The following TOGARAM1 variants were observed in gnomAD, a reference collection of about 807,000 sequenced individuals.
TOGARAM1 encodes TOG array regulator of axonemal microtubules 1.
TOGARAM1 carries 100 observed loss-of-function variants against 166.6 expected under a neutral mutation model. That is an observed-to-expected ratio of 0.60 (90% CI 0.51 to 0.71). The LOEUF is 0.71. TOGARAM1 is among the 30% of genes least tolerant of loss of function. TOGARAM1 has a pLI of 0.00. For synonymous variants in TOGARAM1, 758 were observed against 763.8 expected (o/e 0.99, Z 0.13); for missense variants, 2,029 against 2,102.7 (o/e 0.96, Z 0.69).
At chr14:45,035,950 A>G (rs1881406569) in intron 11 of TOGARAM1, among the ~76,000 whole-genome samples, 1 of 109,562 alleles carries the variant, frequency 9.1e-6, no homozygotes, top group African/African-American at 5.8e-5. Context: ...CATCTCTAGA[A>G]AAAAAAAAAA....
At chr14:45,068,932 GAAATA>G (rs1314966125) in intron 18 of TOGARAM1, among the ~76,000 whole-genome samples, 1 of 149,922 alleles carries the variant, frequency 6.7e-6, no homozygotes, top group Non-Finnish European at 1.5e-5. Context: ...AGATGATCCA[GAAATA>G]AAATAAAGAA....
At chr14:45,040,799 G>A (rs945070631) in intron 11 of TOGARAM1, among the ~76,000 whole-genome samples, 1 of 152,202 alleles carries the variant, frequency 6.6e-6, no homozygotes, top group Non-Finnish European at 1.5e-5. Context: ...AGCACTTTGG[G>A]AGGCCAAGGC....
intron 1 of TOGARAM1, chr14:44,978,326 T>C (rs1057341285): frequency 6.6e-6 from 1 of 152,232 alleles, no homozygotes; most frequent in Non-Finnish European, 1.5e-5. Context: ...AAAAAATGTT[T>C]AGCTGATATT....
chr14:44,999,651 C>A (rs1309904974), intron 3 of TOGARAM1, among the ~76,000 whole-genome samples, 154 bp downstream of exon 3: 1 of 151,558 alleles, frequency 6.6e-6, no homozygotes, highest in Non-Finnish European at 1.5e-5. Flanking sequence ...TAATTGTTAC[C>A]CTAAAGTATT....
At chr14:45,070,595 AATAC>A (rs1167055046) in intron 18 of TOGARAM1, among the ~76,000 whole-genome samples, 2 of 152,184 alleles carry the variant, frequency 1.3e-5, no homozygotes, top group Non-Finnish European at 1.5e-5. Flanking sequence ...TACAGTATAT[AATAC>A]ATATAACATC....
At chr14:45,047,025 G>A (rs1403688522) in intron 14 of TOGARAM1, among the ~76,000 whole-genome samples, 2 of 152,174 alleles carry the variant, frequency 1.3e-5, no homozygotes, top group African/African-American at 4.8e-5. Context: ...CAAATGTAAG[G>A]TAATGCATTT....
intron 15 of TOGARAM1, among the ~76,000 whole-genome samples, chr14:45,052,849 A>T (rs1243755856): frequency 6.6e-6 from 1 of 152,178 alleles, no homozygotes; most frequent in Non-Finnish European, 1.5e-5. Flanking sequence ...TCTAACAGTT[A>T]GCAACTGTGT....
intron 7 of TOGARAM1, among the ~76,000 whole-genome samples, chr14:45,014,547 A>G (rs553553218): frequency 6.6e-6 from 1 of 152,360 alleles, no homozygotes; most frequent in South Asian, 2.1e-4. Flanking sequence ...TTCAGTAAAC[A>G]AGTGATTCCT....
chr14:44,998,299 A>G (rs555859160), intron 2 of TOGARAM1, among the ~76,000 whole-genome samples: 106 of 152,358 alleles, frequency 7.0e-4, no homozygotes, highest in Non-Finnish European at 1.2e-3. Flanking sequence ...AAATAAGACA[A>G]TATGTAAGCT....
intron 11 of TOGARAM1, among the ~76,000 whole-genome samples, chr14:45,033,163 G>A (rs1881257061): frequency 6.6e-6 from 1 of 150,772 alleles, no homozygotes; most frequent in African/African-American, 2.5e-5. Context: ...TGAGGCAGGA[G>A]AATTGCTTGA....
chr14:44,970,426 C>T (rs1002238940), intron 1 of TOGARAM1, among the ~76,000 whole-genome samples: 12 of 152,024 alleles, frequency 7.9e-5, no homozygotes, highest in African/African-American at 2.4e-4. Context: ...ATTTATTATT[C>T]GCAGGAGGAT....
At chr14:44,996,875 A>G (rs911720706) in intron 2 of TOGARAM1, 3 of 152,296 alleles carry the variant, frequency 2.0e-5, no homozygotes, top group African/African-American at 4.8e-5. Context: ...TGAGAACTCT[A>G]TCATGAGAAC....
intron 1 of TOGARAM1, among the ~76,000 whole-genome samples, chr14:44,987,891 GTGGCACATATACAC>G (rs1886923609): frequency 6.6e-6 from 1 of 150,738 alleles, no homozygotes; most frequent in African/African-American, 2.4e-5. Context: ...TTAAGAAAAT[GTGGCACATATACAC>G]CATGGAATAC....
intron 6 of TOGARAM1, 126 bp from the exon 7 acceptor site, chr14:45,011,849 C>A: frequency 3.4e-6 from 2 of 587,298 alleles, no homozygotes; most frequent in Non-Finnish European, 3.0e-6. Flanking sequence ...TTTCAAGTGT[C>A]ATACTTATTG....
chr14:44,999,513 T>G lies in TOGARAM1; in HGVS notation c.2338+16T>G. 1 of 1,566,350 alleles carries G rather than the reference T, an allele frequency of 6.4e-7. No individual in the cohort carries two copies. Among genetic ancestry groups the G allele is most frequent in the African/African-American group, 1.4e-5 (1 of 73,962 alleles). On this transcript the variant is annotated intron_variant, in intron 3 of 19. Transcript: ENST00000361462. ...CAAGAAAAAGGTATAAGTTCCAAAT[T>G]TACTTGGAAACAAATGACTTATAAA...
At chr14:45,023,890 G>T (rs553266872) in intron 7 of TOGARAM1, among the ~76,000 whole-genome samples, 5 of 152,050 alleles carry the variant, frequency 3.3e-5, no homozygotes, top group African/African-American at 9.7e-5. Flanking sequence ...ACAGGCATGC[G>T]CCACCATGCA....
chr14:44,995,875 C>A lies in TOGARAM1; in HGVS notation c.2176C>A (p.Pro726Thr). The A allele has an allele frequency of 6.2e-7, 1 of 1,609,438 alleles. No homozygotes were observed. The highest frequency in any genetic ancestry group is 1.1e-5 in the South Asian group (1 of 89,832). ...ATTTCAGAATAGTCGGGATTTTAACCCAGATTGTCTTCCTTTATGTGCTGC... is the reference window on the plus strand; with the variant it reads ...ATTTCAGAATAGTCGGGATTTTAACACAGATTGTCTTCCTTTATGTGCTGC... Reference protein sequence around the residue: ...NLFQNSRDFNPDCLPLCAAGT... With the variant: ...NLFQNSRDFNTDCLPLCAAGT... The change falls in exon 2 of 20, where the codon CCA (proline) becomes ACA (threonine). Residue 726 changes from proline to threonine, a missense_variant. By Grantham distance (38) the Pro-to-Thr change is conservative. Around this residue, in one of 2 missense-constraint regions of TOGARAM1, gnomAD observed 1,453 missense variants for 1,432.2 expected, o/e 1.01. Transcript: ENST00000361462.
intron 5 of TOGARAM1, chr14:45,007,722 G>A (rs1433712040): frequency 6.6e-6 from 1 of 152,082 alleles, no homozygotes; most frequent in Non-Finnish European, 1.5e-5. Flanking sequence ...GGTGTGAGTT[G>A]ACTTTTGACA....
chr14:45,019,155 T>A (rs1444243093), intron 7 of TOGARAM1, among the ~76,000 whole-genome samples: 1 of 152,220 alleles, frequency 6.6e-6, no homozygotes, highest in African/African-American at 2.4e-5. Flanking sequence ...TTATGGAGGC[T>A]TAAAGCTTTA....
Sources: allele counts gnomAD v4.1 joint callset (sites outside exome capture counted in the v4.1 genomes callset), GRCh38; gene constraint gnomAD v4.1.1; regional missense constraint gnomAD v4.1.1; transcripts MANE v1.5; gene names NCBI Gene and HGNC (gene_info 2026-07-23, HGNC 2026-07-21).